PTPRD: variants seen among roughly 807,000 people sequenced by gnomAD.
PTPRD encodes receptor-type tyrosine-protein phosphatase delta.
In PTPRD, 34 loss-of-function variants were observed where a neutral mutation model predicts 214.5. The observed-to-expected ratio is 0.16, with a 90% CI of 0.12 to 0.21. PTPRD has a LOEUF of 0.21. Ranked by LOEUF, PTPRD falls within the 10% of genes least tolerant of loss-of-function variation. The probability of loss-of-function intolerance (pLI) is 1.00; values close to 1 mark genes in which losing one functional copy is unlikely to be tolerated. For missense variants in PTPRD, 2,545 were observed against 2,398.7 expected (o/e 1.06, Z -1.27); for synonymous variants, 1,128 against 845.7 (o/e 1.33, Z -5.79).
intron 10 of PTPRD, among the ~76,000 whole-genome samples, chr9:9,066,981 G>T (rs2099735572): frequency 2.0e-5 from 3 of 152,230 alleles, no homozygotes; most frequent in Admixed American, 1.3e-4. Flanking sequence ...CATGGCTCAT[G>T]CCTGTAATCC....
intron 12 of PTPRD, among the ~76,000 whole-genome samples, chr9:8,690,105 C>A (rs557734039): frequency 4.1e-5 from 5 of 122,270 alleles, no homozygotes; most frequent in African/African-American, 1.4e-4. Flanking sequence ...GAGACTCCAT[C>A]TTAAAAAAAA....
At chr9:10,093,918 G>T (rs886164582) in intron 3 of PTPRD, among the ~76,000 whole-genome samples, 3 of 151,314 alleles carry the variant, frequency 2.0e-5, no homozygotes, top group Non-Finnish European at 4.4e-5. Context: ...AGGAACAGTA[G>T]ACACGGGGGA....
chr9:8,725,315 A>G (rs925457997), intron 12 of PTPRD, among the ~76,000 whole-genome samples: 5 of 152,180 alleles, frequency 3.3e-5, no homozygotes, highest in Non-Finnish European at 7.3e-5. Flanking sequence ...CTATGCCACT[A>G]GAGTTTAAGC....
At chr9:8,522,176 A>T (rs1213087978) in intron 19 of PTPRD, among the ~76,000 whole-genome samples, 2 of 152,204 alleles carry the variant, frequency 1.3e-5, no homozygotes, top group African/African-American at 4.8e-5. Context: ...AGAAGAAGAA[A>T]CAGGCTAACA....
At chr9:10,512,737 G>T (rs182223445) in intron 2 of PTPRD, among the ~76,000 whole-genome samples, 1 of 152,122 alleles carries the variant, frequency 6.6e-6, no homozygotes, top group Non-Finnish European at 1.5e-5. Flanking sequence ...AAAAATACAA[G>T]CTACCTAATA....
chr9:8,706,030 G>C (rs910732227), intron 12 of PTPRD, among the ~76,000 whole-genome samples: 1 of 152,104 alleles, frequency 6.6e-6, no homozygotes, highest in African/African-American at 2.4e-5. Context: ...CTGCTATCTT[G>C]TCGACCAGAA....
chr9:9,237,471 A>G (rs2099967546), intron 9 of PTPRD, among the ~76,000 whole-genome samples: 2 of 152,074 alleles, frequency 1.3e-5, no homozygotes, highest in Admixed American at 1.3e-4. Flanking sequence ...CCTTATCTCA[A>G]AAACTGAGTA....
At chr9:9,450,112 GTGTGTGTC>G (rs1289210343) in intron 8 of PTPRD, among the ~76,000 whole-genome samples, 21 of 72,534 alleles carry the variant, frequency 2.9e-4, no homozygotes, top group Non-Finnish European at 6.1e-5. Context: ...GTGTGTGTGT[GTGTGTGTC>G]TGTGTGTGTG....
At chr9:8,418,907 T>C (rs1321230516) in intron 35 of PTPRD, among the ~76,000 whole-genome samples, 2 of 152,136 alleles carry the variant, frequency 1.3e-5, no homozygotes, top group East Asian at 3.9e-4. Flanking sequence ...CAAATTTGAG[T>C]AAATATACCC....
At chr9:9,225,381 C>T (rs1296929649) in intron 9 of PTPRD, among the ~76,000 whole-genome samples, 4 of 151,898 alleles carry the variant, frequency 2.6e-5, no homozygotes, top group Non-Finnish European at 4.4e-5. Flanking sequence ...GAAGACCAAC[C>T]ATCGTAAGAA....
chr9:8,465,275 G>C (rs374192486), intron 32 of PTPRD, among the ~76,000 whole-genome samples, 191 bp downstream of exon 32: 10 of 152,002 alleles, frequency 6.6e-5, no homozygotes, highest in African/African-American at 2.4e-4. Context: ...CAGAGACATA[G>C]TCTCATTTGT....
chr9:10,155,065 T>C (rs1364928490), intron 3 of PTPRD, among the ~76,000 whole-genome samples: 9 of 152,134 alleles, frequency 5.9e-5, no homozygotes, highest in Admixed American at 5.9e-4. Context: ...ATATTGATTT[T>C]TCCTATCCAT....
intron 3 of PTPRD, among the ~76,000 whole-genome samples, chr9:10,087,021 G>A (rs1482659330): frequency 6.6e-6 from 1 of 151,588 alleles, no homozygotes. Flanking sequence ...ATTTGCTGAC[G>A]ATTGAACTAA....
At position 8,703,599 on chromosome 9, in the gene PTPRD, TCTC is replaced by T. The variant is rs2098136683; in HGVS notation, c.64+30178_64+30180del. On this transcript the variant is annotated intron_variant, in intron 12 of 45. Transcript: ENST00000381196. ...AACTCTATTGTTTTTCTTTCTCTTT[TCTC>T]CTGTTTCCCCTCGACTTCTCATCCT... Among the ~76,000 whole-genome samples, 3 of 152,196 alleles carry T rather than the reference TCTC, an allele frequency of 2.0e-5. No individual in the cohort carries two copies. In the South Asian group the frequency reaches 6.2e-4, roughly 32 times the overall value.
intron 33 of PTPRD, among the ~76,000 whole-genome samples, chr9:8,451,323 C>T (rs1045005426): frequency 6.6e-6 from 1 of 152,090 alleles, no homozygotes; most frequent in Non-Finnish European, 1.5e-5. Flanking sequence ...CAGATACAGC[C>T]TTGGGACAAA....
At chr9:8,710,118 G>A (rs1406493739) in intron 12 of PTPRD, among the ~76,000 whole-genome samples, 2 of 152,120 alleles carry the variant, frequency 1.3e-5, no homozygotes, top group African/African-American at 4.8e-5. Context: ...CATCCTAAGT[G>A]CCCAATAAAT....
At chr9:10,222,951 C>A (rs867755928) in intron 3 of PTPRD, among the ~76,000 whole-genome samples, 10 of 151,864 alleles carry the variant, frequency 6.6e-5, no homozygotes, top group Admixed American at 6.6e-4. Flanking sequence ...GTAGTGGGGT[C>A]AGAAGAGGTG....
At chr9:9,900,180 G>A (rs1024496203) in intron 5 of PTPRD, among the ~76,000 whole-genome samples, 4 of 152,138 alleles carry the variant, frequency 2.6e-5, no homozygotes, top group Admixed American at 1.3e-4. Context: ...CCAGGCTGCA[G>A]AATTTTCCAA....
At chr9:8,538,537 A>G (rs975162992) in intron 14 of PTPRD, among the ~76,000 whole-genome samples, 3 of 151,748 alleles carry the variant, frequency 2.0e-5, no homozygotes, top group Non-Finnish European at 4.4e-5. Context: ...TGTTATAAAA[A>G]AAAGAAAATC....
Sources: allele counts gnomAD v4.1 joint callset (sites outside exome capture counted in the v4.1 genomes callset), GRCh38; gene constraint gnomAD v4.1.1; transcripts MANE v1.5; gene names NCBI Gene and HGNC (gene_info 2026-07-23, HGNC 2026-07-21).